ANKRD30B: variants seen among roughly 807,000 people sequenced by gnomAD.
ANKRD30B encodes ankyrin repeat domain-containing protein 30B.
In ANKRD30B, 144 loss-of-function variants were observed where a neutral mutation model predicts 202.2. The observed-to-expected ratio is 0.71, with a 90% CI of 0.62 to 0.82. The LOEUF (loss-of-function observed/expected upper bound fraction) is 0.82. Among genes scored for constraint, ANKRD30B ranks in the 40% least tolerant of loss-of-function variants. The pLI is 0.00. For synonymous variants in ANKRD30B, 508 were observed against 561.3 expected (o/e 0.91, Z 1.34); for missense variants, 1,487 against 1,669.1 (o/e 0.89, Z 1.90).
At chr18:14,935,506 C>T in the ANKRD30B span, among the ~76,000 whole-genome samples, 1 of 152,342 alleles carries the variant, frequency 6.6e-6, no homozygotes, top group East Asian at 1.9e-4. Flanking sequence ...GGGCCTGACA[C>T]CTGCAGGCCA....
At chr18:14,773,627 T>G (rs916749067) in intron 9 of ANKRD30B, among the ~76,000 whole-genome samples, 2 of 151,648 alleles carry the variant, frequency 1.3e-5, no homozygotes, top group African/African-American at 4.8e-5. Flanking sequence ...CAAGTGGAGT[T>G]TAGATTAAAA....
At chr18:14,756,961 T>G (rs1162667930) in intron 4 of ANKRD30B, among the ~76,000 whole-genome samples, 2 of 152,202 alleles carry the variant, frequency 1.3e-5, no homozygotes, top group Non-Finnish European at 2.9e-5. Flanking sequence ...GACGACTATT[T>G]GCTTTAATAA....
At chr18:14,781,265 G>A (rs1052605921) in intron 11 of ANKRD30B, among the ~76,000 whole-genome samples, 5 of 146,978 alleles carry the variant, frequency 3.4e-5, no homozygotes, top group Admixed American at 1.4e-4. Flanking sequence ...AAATATAGCC[G>A]CTTCTACAAT....
chr18:14,796,579 A>T (rs1349989798), intron 18 of ANKRD30B, among the ~76,000 whole-genome samples, 164 bp downstream of exon 18: 1 of 152,196 alleles, frequency 6.6e-6, no homozygotes, highest in Non-Finnish European at 1.5e-5. Context: ...AATGCCATTT[A>T]CAAGCATAAG....
At chr18:14,924,018 C>T in the ANKRD30B span, among the ~76,000 whole-genome samples, 1 of 152,196 alleles carries the variant, frequency 6.6e-6, no homozygotes, top group East Asian at 1.9e-4. Context: ...GCTTATATGT[C>T]TCATCTTCTC....
chr18:14,769,300 T>C (rs1328707544), intron 7 of ANKRD30B, 43 bp from the exon 8 acceptor site: 1 of 1,389,096 alleles, frequency 7.2e-7, no homozygotes. Context: ...ATTTTCTATT[T>C]ATATTTGTTA....
At chr18:14,824,596 T>C (rs961528000) in intron 32 of ANKRD30B, among the ~76,000 whole-genome samples, 5 of 152,236 alleles carry the variant, frequency 3.3e-5, no homozygotes, top group African/African-American at 1.2e-4. Flanking sequence ...ATAATAAATA[T>C]GTAAATAAAC....
At position 14,808,619 on chromosome 18, in the gene ANKRD30B, T is replaced by C. The variant is rs763646757; in HGVS notation, c.2313+40T>C. 2.5e-6 allele frequency: 4 copies of C among 1,572,744 alleles called. No homozygotes were observed. In the East Asian group the frequency reaches 9.1e-5, roughly 36 times the overall value. Reference sequence around the variant, plus strand: ...ATTTCTATGTTGAATATTAACTACATATTTTTGAAGTATACATTATATATT... The same window carrying C: ...ATTTCTATGTTGAATATTAACTACACATTTTTGAAGTATACATTATATATT... On this transcript the variant is annotated intron_variant, in intron 25 of 43. Coordinates refer to ENST00000690538, the MANE Select transcript of ANKRD30B (RefSeq NM_001367607.2).
At chr18:14,873,697 A>G in the ANKRD30B span, among the ~76,000 whole-genome samples, 2 of 152,050 alleles carry the variant, frequency 1.3e-5, no homozygotes, top group East Asian at 3.9e-4. Context: ...GAATGAGATT[A>G]AGTCCTGTAT....
chr18:14,790,466 C>A (rs1598622177), intron 15 of ANKRD30B, among the ~76,000 whole-genome samples: 1 of 152,246 alleles, frequency 6.6e-6, no homozygotes, highest in East Asian at 1.9e-4. Context: ...CTGTCTTATG[C>A]CAGTTTTCAA....
the ANKRD30B span, among the ~76,000 whole-genome samples, chr18:14,861,797 T>C: frequency 2.0e-5 from 3 of 152,144 alleles, no homozygotes; most frequent in Non-Finnish European, 2.9e-5. Context: ...CTAATAGATA[T>C]CTACAGAATA....
chr18:14,777,282 T>TA (rs1001177238), intron 9 of ANKRD30B, among the ~76,000 whole-genome samples: 1 of 147,362 alleles, frequency 6.8e-6, no homozygotes, highest in African/African-American at 2.5e-5. Flanking sequence ...CCTTTAAAGT[T>TA]AAAAAAAAGT....
chr18:14,826,361 T>C (rs1432236201), intron 32 of ANKRD30B, among the ~76,000 whole-genome samples: 2 of 152,174 alleles, frequency 1.3e-5, no homozygotes, highest in Admixed American at 1.3e-4. Context: ...GAAAAGTCAA[T>C]TGGATTTAAC....
At chr18:14,884,492 C>T in the ANKRD30B span, among the ~76,000 whole-genome samples, 4 of 151,754 alleles carry the variant, frequency 2.6e-5, no homozygotes, top group African/African-American at 9.7e-5. Context: ...CAATAGATAA[C>T]TACCACATGG....
the ANKRD30B span, among the ~76,000 whole-genome samples, chr18:14,919,389 T>C: frequency 6.6e-6 from 1 of 152,186 alleles, no homozygotes; most frequent in African/African-American, 2.4e-5. Flanking sequence ...AACCAGTACC[T>C]TGGGGCCCTG....
chr18:14,760,857 T>C (rs958180495), intron 6 of ANKRD30B, among the ~76,000 whole-genome samples: 3 of 152,134 alleles, frequency 2.0e-5, no homozygotes, highest in African/African-American at 7.2e-5. Context: ...AAAAATATTA[T>C]CTGAAAAAAT....
chr18:14,918,480 A>T, the ANKRD30B span, among the ~76,000 whole-genome samples: 32 of 152,276 alleles, frequency 2.1e-4, 1 homozygote, highest in South Asian at 6.4e-3. Context: ...ATAAGAGTGA[A>T]TTCAAAGCTG....
At chr18:14,872,504 A>T in the ANKRD30B span, among the ~76,000 whole-genome samples, 1 of 152,174 alleles carries the variant, frequency 6.6e-6, no homozygotes, top group Admixed American at 6.5e-5. Context: ...CCTGTTGTGT[A>T]TCCAATGCAC....
the ANKRD30B span, among the ~76,000 whole-genome samples, chr18:14,931,144 T>A: frequency 1.3e-5 from 2 of 152,228 alleles, no homozygotes; most frequent in Non-Finnish European, 2.9e-5. Flanking sequence ...GCCAGGCTAC[T>A]GTCTTTAGTG....
Sources: gnomAD v4.1 joint callset for allele counts (sites outside exome capture counted in the v4.1 genomes callset) on GRCh38, gnomAD v4.1.1 for gene constraint, MANE v1.5 for transcripts, NCBI Gene and HGNC (gene_info 2026-07-23, HGNC 2026-07-21) for gene names.